Variants in DDX10 observed in about 807,000 individuals in gnomAD.
DDX10 encodes probable ATP-dependent RNA helicase DDX10.
Under a neutral mutation model 104.3 loss-of-function variants are expected in DDX10, and 74 were observed. The ratio of observed to expected loss-of-function variants is 0.71; its 90% CI spans 0.59 to 0.86. The LOEUF is 0.86. DDX10 is among the 40% of genes least tolerant of loss of function. DDX10 has a pLI of 0.00. For synonymous variants in DDX10, 351 were observed against 353.4 expected (o/e 0.99, Z 0.08); for missense variants, 952 against 1,040.0 (o/e 0.92, Z 1.16).
At chr11:108,782,998 C>G (rs1861728536) in intron 13 of DDX10, among the ~76,000 whole-genome samples, 1 of 152,152 alleles carries the variant, frequency 6.6e-6, no homozygotes, top group African/African-American at 2.4e-5. Flanking sequence ...TCTTTTCTTT[C>G]TTTGCTTACA....
rs142854389 is a variant in DDX10, at chr11:108,854,119, C to A, written c.2304+1910C>A. Among the ~76,000 whole-genome samples the A allele has an allele frequency of 2.2e-4, 33 of 152,316 alleles. No individual in the cohort carries two copies. In the East Asian group the frequency reaches 6.4e-3, roughly 29 times the overall value. On this transcript the variant is annotated intron_variant, in intron 16 of 17. Transcript: ENST00000322536. ...TGAGGACTGCCTGCAGTGACAGGTT[C>A]AGGCTGACTGACAGAGCCCAAGGAA...
chr11:108,683,153 C>T (rs962208412), intron 6 of DDX10, among the ~76,000 whole-genome samples: 1 of 152,098 alleles, frequency 6.6e-6, no homozygotes, highest in African/African-American at 2.4e-5. Context: ...AGGTATCTAC[C>T]AGGGCCCCTC....
At chr11:108,694,213 G>T (rs961333636) in intron 9 of DDX10, among the ~76,000 whole-genome samples, 2 of 152,124 alleles carry the variant, frequency 1.3e-5, no homozygotes, top group African/African-American at 2.4e-5. Flanking sequence ...TTGACTGGGG[G>T]TAACTGAAAC....
chr11:108,805,581 A>G (rs1451199606), intron 13 of DDX10, among the ~76,000 whole-genome samples: 1 of 152,048 alleles, frequency 6.6e-6, no homozygotes, highest in East Asian at 1.9e-4. Flanking sequence ...GAACATTTTC[A>G]TTTTTTATTT....
intron 13 of DDX10, 81 bp downstream of exon 13, chr11:108,723,543 A>T: frequency 7.2e-7 from 1 of 1,391,408 alleles, no homozygotes; most frequent in Non-Finnish European, 9.6e-7. Flanking sequence ...ACTGAGAGAA[A>T]GTGAAAACTA....
At chr11:108,872,855 A>G (rs1344803388) in intron 16 of DDX10, among the ~76,000 whole-genome samples, 2 of 138,276 alleles carry the variant, frequency 1.4e-5, no homozygotes, top group African/African-American at 2.6e-5. Flanking sequence ...TCTCACGGTC[A>G]TTCTCTTTCC....
At chr11:108,678,996 C>G (rs2094230506) in intron 5 of DDX10, among the ~76,000 whole-genome samples, 1 of 149,130 alleles carries the variant, frequency 6.7e-6, no homozygotes, top group Non-Finnish European at 1.5e-5. Flanking sequence ...ATAGCTGGGA[C>G]TACAGGTGTG....
At chr11:108,891,011 C>G (rs901369717) in intron 16 of DDX10, among the ~76,000 whole-genome samples, 1 of 152,108 alleles carries the variant, frequency 6.6e-6, no homozygotes, top group Non-Finnish European at 1.5e-5. Context: ...TTGTGTGTGT[C>G]TACTGACTAT....
rs757385126 is a variant in DDX10 at position 108,677,151 on chromosome 11, C to G, written c.445C>G (p.Pro149Ala). ...TDGLGVLIIS[P>A]TRELAYQTFE... ...TGGGCTGGGGGTTCTCATAATATCA[C>G]CTACGAGAGAACTGGCCTATCAGAC... is the stretch of plus-strand genomic sequence containing the variant. The change falls in exon 4 of 18, where the codon CCT (proline) becomes GCT (alanine). Residue 149 changes from proline to alanine, a missense_variant. Pro to Ala is a conservative substitution (Grantham distance 27, BLOSUM62 -1). Transcript: ENST00000322536. 8.7e-6 allele frequency: 14 copies of G among 1,613,672 alleles called. No homozygotes were observed. The Admixed American group carries it at 2.2e-4, about 25-fold the overall frequency.
At chr11:108,687,696 T>G (rs1356542145) in intron 6 of DDX10, among the ~76,000 whole-genome samples, 1 of 152,226 alleles carries the variant, frequency 6.6e-6, no homozygotes, top group Non-Finnish European at 1.5e-5. Context: ...TATCAGATGT[T>G]TTTTGCAAAT....
chr11:108,905,676 G>T (rs1863587032), intron 16 of DDX10, among the ~76,000 whole-genome samples: 1 of 152,086 alleles, frequency 6.6e-6, no homozygotes, highest in Non-Finnish European at 1.5e-5. Flanking sequence ...AGCCTTTGGG[G>T]TCTGGCTTTT....
chr11:108,814,068 T>G (rs1862222798), intron 13 of DDX10, among the ~76,000 whole-genome samples: 1 of 152,202 alleles, frequency 6.6e-6, no homozygotes, highest in South Asian at 2.1e-4. Context: ...AGGGTTTATT[T>G]TATTCTGGAA....
chr11:108,680,037 A>G (rs912597879), intron 6 of DDX10, among the ~76,000 whole-genome samples: 35 of 152,340 alleles, frequency 2.3e-4, no homozygotes, highest in Middle Eastern at 6.8e-3. Flanking sequence ...ATTATGCAGT[A>G]CTAATGTGTT....
intron 16 of DDX10, among the ~76,000 whole-genome samples, chr11:108,905,098 C>T (rs1863572474): frequency 6.6e-6 from 1 of 152,102 alleles, no homozygotes; most frequent in Non-Finnish European, 1.5e-5. Flanking sequence ...TCTGCTCTCC[C>T]CACAAAATGT....
intron 9 of DDX10, among the ~76,000 whole-genome samples, chr11:108,699,292 C>A (rs750797375): frequency 6.6e-6 from 1 of 152,148 alleles, no homozygotes; most frequent in Non-Finnish European, 1.5e-5. Flanking sequence ...CATTTATTAT[C>A]GCAGCAACCA....
chr11:108,694,540 C>A (rs1436911705), intron 9 of DDX10, among the ~76,000 whole-genome samples: 1 of 152,150 alleles, frequency 6.6e-6, no homozygotes, highest in Non-Finnish European at 1.5e-5. Context: ...CACTTCCTCC[C>A]AAAAGTATCC....
At position 108,846,706 on chromosome 11, in the gene DDX10, G is replaced by C. The variant is rs1428665763; in HGVS notation, c.2247+5230G>C. On this transcript the variant is annotated intron_variant, in intron 15 of 17. Transcript: ENST00000322536. ...GGGCACTTCAGTTTTTCCACATCTT[G>C]ACTATTGTGAATAACGTTGCAATAA... is the stretch of plus-strand genomic sequence containing the variant. Among the ~76,000 whole-genome samples, 3 of 152,070 alleles carry C rather than the reference G, an allele frequency of 2.0e-5. No individual in the cohort carries two copies. In the South Asian group the frequency reaches 6.2e-4, roughly 32 times the overall value.
intron 16 of DDX10, among the ~76,000 whole-genome samples, chr11:108,885,438 A>G (rs1047522534): frequency 9.4e-5 from 14 of 148,682 alleles, no homozygotes; most frequent in African/African-American, 3.2e-4. Flanking sequence ...GCTCACTGCA[A>G]CCTCTGCCTC....
intron 15 of DDX10, among the ~76,000 whole-genome samples, chr11:108,846,264 G>T (rs1034754431): frequency 6.6e-6 from 1 of 152,060 alleles, no homozygotes; most frequent in Non-Finnish European, 1.5e-5. Context: ...TTACTTTGTG[G>T]TGAGAACATT....
Sources: allele counts gnomAD v4.1 joint callset (sites outside exome capture counted in the v4.1 genomes callset), GRCh38; gene constraint gnomAD v4.1.1; transcripts MANE v1.5; gene names NCBI Gene and HGNC (gene_info 2026-07-23, HGNC 2026-07-21).